QARS1: variants seen among roughly 807,000 people sequenced by gnomAD.
The protein encoded by QARS1 is glutaminyl-tRNA synthetase 1, also known as glutamine--tRNA ligase.
A neutral mutation model predicts 106.9 loss-of-function variants in QARS1; 79 were observed. The ratio of observed to expected loss-of-function variants is 0.74; its 90% CI spans 0.62 to 0.89. The LOEUF (loss-of-function observed/expected upper bound fraction) is 0.89. Ranked by LOEUF, QARS1 falls within the 40% of genes least tolerant of loss-of-function variation. QARS1 has a pLI of 0.00. For missense variants in QARS1, 966 were observed against 997.2 expected, an observed-to-expected ratio of 0.97 and a Z score of 0.42; for synonymous variants, 395 against 367.7, an observed-to-expected ratio of 1.07 and a Z score of -0.85.
intron 19 of QARS1, 26 bp from the exon 20 acceptor site, chr3:49,098,718 CAT>C (rs754208205): frequency 1.8e-5 from 28 of 1,562,296 alleles, no homozygotes; most frequent in South Asian, 2.3e-5. Context: ...GGGGTAGACA[CAT>C]GAGGCTGCAA....
At chr3:49,102,128 G>A (rs2042479226) in intron 7 of QARS1, 77 bp downstream of exon 7, 1 of 1,571,134 alleles carries the variant, frequency 6.4e-7, no homozygotes, top group Non-Finnish European at 8.8e-7. Context: ...AGGGCCTGAG[G>A]AGCCTGTAAG....
Position 49,098,356 on chromosome 3 carries a change from C to G in QARS1, c.2081G>C (p.Arg694Pro), listed in dbSNP as rs772994973. The change falls in exon 21 of 24, where the codon CGA (arginine) becomes CCA (proline). Residue 694 changes from arginine (R) to proline (P), a missense_variant. By Grantham distance (103) the Arg-to-Pro change is moderately radical. Coordinates refer to ENST00000306125, the MANE Select transcript of QARS1 (RefSeq NM_005051.3). Reference sequence around the variant, plus strand: ...CACCCCAGCTCTGTTCACTCACAGTCGCTCATAGAGGCGAACCTCACACAT... The same window carrying G: ...CACCCCAGCTCTGTTCACTCACAGTGGCTCATAGAGGCGAACCTCACACAT... The part of the protein sequence containing the change: ...PLMCEVRLYE[R>P]LFQHKNPEDP... The G allele has an allele frequency of 6.2e-7, 1 of 1,614,192 alleles. No homozygotes were observed.
rs753463624 is a variant in QARS1, at chr3:49,098,660, C to G, written c.1896G>C (p.Trp632Cys). 6.2e-7 allele frequency: 1 copy of G among 1,608,384 alleles called. No individual in the cohort carries two copies. Among genetic ancestry groups the G allele is most frequent in the Non-Finnish European group, 8.5e-7 (1 of 1,177,476 alleles). The change falls in exon 20 of 24, where the codon TGG (tryptophan) becomes TGC (cysteine). Residue 632 changes from tryptophan to cysteine, a missense_variant. Transcript: ENST00000306125. ...TATGCCTCAGGCCCACAGGCTGGCCCCAAGCCAGGCGCTTAAATCCTGGCT... is the reference window on the plus strand; with the variant it reads ...TATGCCTCAGGCCCACAGGCTGGCCGCAAGCCAGGCGCTTAAATCCTGGCT... ...EPEPGFKRLA[W>C]GQPVGLRHTG...
At chr3:49,102,624 T>C (rs2042486114) in intron 5 of QARS1, 152 bp from the exon 6 acceptor site, 1 of 761,700 alleles carries the variant, frequency 1.3e-6, no homozygotes, top group Non-Finnish European at 2.2e-6. Flanking sequence ...CTCATGTGGG[T>C]CTGCTAGCTT....
Position 49,103,427 on chromosome 3 carries a change from A to G in QARS1, c.452-18T>C, listed in dbSNP as rs1326719955. 1.2e-6 allele frequency: 2 copies of G among 1,613,964 alleles called. No individual in the cohort carries two copies. Among genetic ancestry groups the G allele is most frequent in the East Asian group, 4.5e-5 (2 of 44,890 alleles). The stretch of plus-strand genomic sequence containing the variant: ...AGCCTCTCCTAGAAGCATAGGCACA[A>G]GGAGCTGCAGAAAGGCAAAAAAGAG... On this transcript the variant is annotated intron_variant, in intron 4 of 23. Coordinates refer to ENST00000306125, the MANE Select transcript of QARS1 (RefSeq NM_005051.3).
chr3:49,104,213 G>T, intron 2 of QARS1, 111 bp downstream of exon 2: 1 of 1,475,834 alleles, frequency 6.8e-7, no homozygotes, highest in Non-Finnish European at 9.4e-7. Context: ...CAGTGCCTGT[G>T]CAGAACTAGG....
intron 2 of QARS1, 101 bp downstream of exon 2, chr3:49,104,223 G>A (rs766118856): frequency 6.0e-6 from 9 of 1,507,576 alleles, no homozygotes; most frequent in Non-Finnish European, 7.3e-6. Context: ...GCAGAACTAG[G>A]TGTCTAGAAA....
intron 5 of QARS1, chr3:49,102,745 G>C (rs541183086): frequency 1.9e-6 from 1 of 522,664 alleles, no homozygotes; most frequent in South Asian, 1.7e-5. Context: ...GGATTCAAGC[G>C]ATTTTCCTAC....
Position 49,096,003 on chromosome 3 carries a change from G to A in QARS1, c.*26C>T, listed in dbSNP as rs370538138. The A allele has an allele frequency of 1.2e-6, 2 of 1,611,572 alleles. No individual in the cohort carries two copies. The highest frequency in any genetic ancestry group is 2.7e-5 in the African/African-American group (2 of 74,876). ...CGAGGGTAGCCACACCCTCCAGGAG[G>A]ATGAGGTAGGTTCAGTGCTTCCAGC... On this transcript the variant is annotated 3_prime_UTR_variant, in exon 24 of 24. Coordinates refer to ENST00000306125, the MANE Select transcript of QARS1 (RefSeq NM_005051.3).
At chr3:49,096,171 C>A in intron 23 of QARS1, 92 bp from the exon 24 acceptor site, 1 of 1,344,526 alleles carries the variant, frequency 7.4e-7, no homozygotes, top group Non-Finnish European at 1.0e-6. Flanking sequence ...CCCCTAACAT[C>A]CTTCTTAAGC....
At position 49,098,385 on chromosome 3, in the gene QARS1, A is replaced by C; in HGVS notation, c.2052T>G (p.Pro684=). ...CATAGAGGCGAACCTCACACATCAA[A>C]GGCTGTGACACCCAGTGAATAAAGG... ...PKAFIHWVSQ[P]LMCEVRLYER... Residue 684 remains proline (P), a synonymous_variant, in exon 21 of 24, where the codon CCT becomes CCG. Transcript: ENST00000306125. 1 of 1,614,192 alleles carries C rather than the reference A, an allele frequency of 6.2e-7. No homozygotes were observed. The highest frequency in any genetic ancestry group is 1.1e-5 in the South Asian group (1 of 91,086).
Position 49,104,676 on chromosome 3 carries a change from CCTT to C in QARS1, c.55_57del (p.Lys19del), listed in dbSNP as rs1170759657. 5.0e-6 allele frequency: 8 copies of C among 1,610,660 alleles called. No homozygotes were observed. In the Admixed American group the frequency reaches 1.2e-4, roughly 23 times the overall value. The stretch of plus-strand genomic sequence containing the variant: ...GCCGAGTTCTTGAGCGTCTCGCGGG[CCTT>C]CTGCTCGCTCAGGCCGAGGCTAGTG... On this transcript the variant is annotated inframe_deletion, in exon 1 of 24. Transcript: ENST00000306125.
At chr3:49,097,910 G>GA in intron 23 of QARS1, 82 bp downstream of exon 23, 2 of 1,563,458 alleles carry the variant, frequency 1.3e-6, no homozygotes, top group South Asian at 2.3e-5. Flanking sequence ...TTAACTAAGG[G>GA]AATGTATGCA....
Position 49,100,094 on chromosome 3 carries a change from G to C in QARS1, c.1165-3C>G, listed in dbSNP as rs1176916200. On this transcript the variant is annotated splice_region_variant and splice_polypyrimidine_tract_variant and intron_variant, in intron 13 of 23. Coordinates refer to ENST00000306125, the MANE Select transcript of QARS1 (RefSeq NM_005051.3). ...GAAAACTTGCCCTTGCGCATTGCCT[G>C]AGGGGAACAAGGACTCAGGCTGTCT... 1 of 1,614,120 alleles carries C rather than the reference G, an allele frequency of 6.2e-7. No homozygotes were observed. The highest frequency in any genetic ancestry group is 8.5e-7 in the Non-Finnish European group (1 of 1,180,044).
Position 49,098,333 on chromosome 3 carries a change from C to T in QARS1, c.2084+20G>A. 6.2e-7 allele frequency: 1 copy of T among 1,614,192 alleles called. No homozygotes were observed. Among genetic ancestry groups the T allele is most frequent in the South Asian group, 1.1e-5 (1 of 91,078 alleles). The stretch of plus-strand genomic sequence containing the variant: ...AATGTGCATCTTGTACCTGCCCCCA[C>T]CCCAGCTCTGTTCACTCACAGTCGC... On this transcript the variant is annotated intron_variant, in intron 21 of 23. Transcript: ENST00000306125.
In QARS1 at chr3:49,099,125, G is replaced by C; in HGVS notation, c.1743C>G (p.Asn581Lys). The change falls in exon 18 of 24, where the codon AAC (asparagine) becomes AAG (lysine). Residue 581 changes from asparagine to lysine, a missense_variant. By Grantham distance (94) the Asn-to-Lys change is moderately conservative. Coordinates refer to ENST00000306125, the MANE Select transcript of QARS1 (RefSeq NM_005051.3). ...GCAGGCCCACCTTGGCAGCAGGAAA[G>C]TTGGTGATGATGACCCGTAGTGACT... ...VLESLRVIIT[N>K]FPAAKSLDIQ... 6.2e-7 allele frequency: 1 copy of C among 1,614,208 alleles called. No homozygotes were observed. Among genetic ancestry groups the C allele is most frequent in the Middle Eastern group, 1.6e-4 (1 of 6,062 alleles).
chr3:49,100,331 C>T (rs1272917708), intron 12 of QARS1, 33 bp from the exon 13 acceptor site: 3 of 1,614,074 alleles, frequency 1.9e-6, no homozygotes, highest in Admixed American at 1.7e-5. Flanking sequence ...CCCAGCATGG[C>T]TGTGACCTAG....
At chr3:49,096,934 G>A (rs574764936) in intron 23 of QARS1, among the ~76,000 whole-genome samples, 1 of 149,556 alleles carries the variant, frequency 6.7e-6, no homozygotes, top group Non-Finnish European at 1.5e-5. Flanking sequence ...GCAGTGGGCC[G>A]AGATCGTGCC....
chr3:49,098,144 T>C, intron 22 of QARS1, 27 bp from the exon 23 acceptor site: 2 of 1,614,110 alleles, frequency 1.2e-6, no homozygotes, highest in Non-Finnish European at 1.7e-6. Flanking sequence ...CAGGCAACCA[T>C]CCAACCAGGG....
Sources: allele counts gnomAD v4.1 joint callset (sites outside exome capture counted in the v4.1 genomes callset), GRCh38; gene constraint gnomAD v4.1.1; transcripts MANE v1.5; gene names NCBI Gene and HGNC (gene_info 2026-07-23, HGNC 2026-07-21).